Variants in WWOX observed in about 807,000 individuals in gnomAD.
WWOX encodes the protein WW domain-containing oxidoreductase.
In WWOX, 69 loss-of-function variants were observed where a neutral mutation model predicts 46.2. The ratio of observed to expected loss-of-function variants is 1.49; its 90% confidence interval spans 1.23 to 1.82. The LOEUF is 1.82. WWOX is among the 40% of genes most tolerant of loss of function. The probability of loss-of-function intolerance (pLI) is 0.00; values close to 1 mark genes in which losing one functional copy is unlikely to be tolerated. For synonymous variants in WWOX, 359 were observed against 202.6 expected, an observed-to-expected ratio of 1.77 and a Z score of -6.56; for missense variants, 919 against 542.6, an observed-to-expected ratio of 1.69 and a Z score of -6.89.
intron 8 of WWOX, among the ~76,000 whole-genome samples, chr16:78,735,867 G>C (rs1273120558): frequency 8.8e-6 from 1 of 114,246 alleles, no homozygotes; most frequent in African/African-American, 4.0e-5. Flanking sequence ...AACAGGGCCA[G>C]GGATCTGAGT....
chr16:78,255,207 C>T (rs1300257115), intron 5 of WWOX, among the ~76,000 whole-genome samples: 1 of 152,202 alleles, frequency 6.6e-6, no homozygotes, highest in East Asian at 1.9e-4. Flanking sequence ...GATCCCCCGT[C>T]CCCCTGCTGT....
chr16:78,664,497 T>G (rs2047285857), intron 8 of WWOX, among the ~76,000 whole-genome samples: 1 of 152,198 alleles, frequency 6.6e-6, no homozygotes, highest in African/African-American at 2.4e-5. Context: ...AGGATGCCCT[T>G]AGTCCTGTCC....
chr16:78,910,471 G>A (rs1195663788), intron 8 of WWOX, among the ~76,000 whole-genome samples: 4 of 151,098 alleles, frequency 2.6e-5, no homozygotes, highest in Non-Finnish European at 5.9e-5. Context: ...GAACAGTGTG[G>A]TGTTTCATGT....
rs1019103589 is a variant in WWOX, at chr16:78,340,330, G to A, written c.517-46530G>A. Among the ~76,000 whole-genome samples, 141 of 116,740 alleles carry A rather than the reference G, an allele frequency of 1.2e-3. 30 individuals carry two copies. The highest frequency in any genetic ancestry group is 3.7e-3 in the African/African-American group (129 of 34,526). The allele number at this position is 116,740 out of a possible 152,430, so 76.6% of individuals were successfully genotyped here. ...TCCTGCCTTAGCCTCCCAAGTCGCT[G>A]GGACTACATGTGCGTGTCACCAAGC... On this transcript the variant is annotated intron_variant, in intron 5 of 8. Transcript: ENST00000566780.
intron 4 of WWOX, among the ~76,000 whole-genome samples, chr16:78,141,430 CTTTTTT>C (rs10639685): frequency 8.4e-6 from 1 of 118,964 alleles, no homozygotes; most frequent in East Asian, 2.5e-4. Context: ...CATCCCCCTT[CTTTTTT>C]TTTTTTTTTT....
chr16:78,223,334 T>C (rs1011121207), intron 5 of WWOX, among the ~76,000 whole-genome samples: 1 of 152,122 alleles, frequency 6.6e-6, no homozygotes, highest in South Asian at 2.1e-4. Flanking sequence ...CAACAGAGAA[T>C]TGTCTGGCCC....
intron 8 of WWOX, among the ~76,000 whole-genome samples, chr16:79,013,942 G>A (rs1437465226): frequency 6.6e-6 from 1 of 152,136 alleles, no homozygotes; most frequent in Non-Finnish European, 1.5e-5. Flanking sequence ...CTCCTCCCCA[G>A]AGAGGAAGAG....
intron 8 of WWOX, among the ~76,000 whole-genome samples, chr16:78,788,307 C>T (rs900910526): frequency 1.3e-5 from 2 of 151,428 alleles, no homozygotes; most frequent in Non-Finnish European, 2.9e-5. Context: ...TTGTTGCAGT[C>T]TATTGTTACA....
At chr16:78,236,771 T>C (rs1032441464) in intron 5 of WWOX, among the ~76,000 whole-genome samples, 1 of 152,106 alleles carries the variant, frequency 6.6e-6, no homozygotes, top group Non-Finnish European at 1.5e-5. Flanking sequence ...ACTTGTCCCA[T>C]GATGATAATA....
rs550760286 is a variant in WWOX, at chr16:78,364,553, GA to G, written c.517-22298del. 2.9e-3 allele frequency among the ~76,000 whole-genome samples: 364 copies of G among 123,664 alleles called. 1 individual carries two copies. Among genetic ancestry groups the G allele is most frequent in the Middle Eastern group, 0.013 (3 of 232 alleles). The allele number at this position is 123,664 out of a possible 152,430, so 81.1% of individuals were successfully genotyped here. On this transcript the variant is annotated intron_variant, in intron 5 of 8. Coordinates refer to ENST00000566780, the MANE Select transcript of WWOX (RefSeq NM_016373.4). ...CAAATAAATCTTTGGGACTCCGGAA[GA>G]AAAAAAAATGGGAAAGAAAAAAAAA...
At chr16:78,936,625 G>T (rs947780381) in intron 8 of WWOX, among the ~76,000 whole-genome samples, 2 of 152,104 alleles carry the variant, frequency 1.3e-5, no homozygotes, top group Non-Finnish European at 2.9e-5. Flanking sequence ...AGGCTGGATG[G>T]GTTTTGGAAC....
intron 8 of WWOX, among the ~76,000 whole-genome samples, chr16:79,167,483 G>A (rs546239146): frequency 6.6e-6 from 1 of 152,230 alleles, no homozygotes; most frequent in East Asian, 1.9e-4. Context: ...GTAAGGAGCT[G>A]GCATCTCTGG....
At chr16:78,198,427 C>T (rs939483372) in intron 5 of WWOX, among the ~76,000 whole-genome samples, 1 of 152,160 alleles carries the variant, frequency 6.6e-6, no homozygotes, top group African/African-American at 2.4e-5. Flanking sequence ...AAGCAATGGC[C>T]TCTCACCCTT....
intron 8 of WWOX, among the ~76,000 whole-genome samples, chr16:79,122,366 T>C (rs895757827): frequency 6.6e-6 from 1 of 152,184 alleles, no homozygotes; most frequent in Non-Finnish European, 1.5e-5. Flanking sequence ...ATAGCGCTTC[T>C]AAAAGCCGCA....
At chr16:78,613,535 G>T (rs1442978841) in intron 8 of WWOX, among the ~76,000 whole-genome samples, 1 of 152,102 alleles carries the variant, frequency 6.6e-6, no homozygotes, top group East Asian at 1.9e-4. Flanking sequence ...TACAAAACCT[G>T]CATGCAAATT....
chr16:79,198,003 T>C (rs1404317203), intron 8 of WWOX, among the ~76,000 whole-genome samples: 1 of 152,082 alleles, frequency 6.6e-6, no homozygotes, highest in African/African-American at 2.4e-5. Context: ...CAATTGGTCA[T>C]CTACCAAAAT....
At chr16:78,846,094 G>C (rs1337266286) in intron 8 of WWOX, among the ~76,000 whole-genome samples, 1 of 152,194 alleles carries the variant, frequency 6.6e-6, no homozygotes, top group Admixed American at 6.5e-5. Context: ...TAGTCATCAG[G>C]AGCTGTGGGA....
chr16:78,119,537 G>A (rs772781543), intron 4 of WWOX, among the ~76,000 whole-genome samples: 1 of 152,040 alleles, frequency 6.6e-6, no homozygotes, highest in Non-Finnish European at 1.5e-5. Flanking sequence ...GATGTTTGTT[G>A]GAGCGCATGC....
At chr16:78,953,701 T>A (rs2046108839) in intron 8 of WWOX, among the ~76,000 whole-genome samples, 1 of 151,942 alleles carries the variant, frequency 6.6e-6, no homozygotes, top group African/African-American at 2.4e-5. Flanking sequence ...CAGAAGAGAG[T>A]GCATGCATGA....
Sources: gnomAD v4.1 joint callset for allele counts (sites outside exome capture counted in the v4.1 genomes callset) on GRCh38, gnomAD v4.1.1 for gene constraint, MANE v1.5 for transcripts, NCBI Gene and HGNC (gene_info 2026-07-23, HGNC 2026-07-21) for gene names.